The following ATRX variants were observed in gnomAD, a reference collection of about 807,000 sequenced individuals.
ATRX encodes ATRX chromatin remodeler, also known as chromatin remodeler ATRX.
ATRX carries 12 observed loss-of-function variants against 172.6 expected under a neutral mutation model. The ratio of observed to expected loss-of-function variants is 0.07; its 90% CI spans 0.04 to 0.11. The LOEUF (loss-of-function observed/expected upper bound fraction) is 0.11, where lower values mean the gene tolerates loss of function less well. Ranked by LOEUF, ATRX falls within the 10% of genes least tolerant of loss-of-function variation. The pLI is 1.00. For missense variants in ATRX, 1,368 were observed against 1,767.4 expected, an observed-to-expected ratio of 0.77 and a Z score of 4.05; for synonymous variants, 674 against 594.7, an observed-to-expected ratio of 1.13 and a Z score of -1.94.
In ATRX at chrX:77,506,948, C is replaced by T; in HGVS notation, c.*1403G>A. The T allele has an allele frequency of 7.7e-6, 1 of 129,852 alleles. No homozygotes were observed. Among genetic ancestry groups the T allele is most frequent in the Non-Finnish European group, 1.4e-5 (1 of 71,977 alleles). The allele number at this position is 129,852 out of a possible 1,213,427, so 10.7% of individuals were successfully genotyped here. ...TGGAATTCTTAAGCTGTTTCACTACCTGTTGTATCATCATCTCAAAAATGG... is the reference window on the plus strand; with the variant it reads ...TGGAATTCTTAAGCTGTTTCACTACTTGTTGTATCATCATCTCAAAAATGG... On this transcript the variant is annotated 3_prime_UTR_variant, in exon 35 of 35. Coordinates refer to ENST00000373344, the MANE Select transcript of ATRX (RefSeq NM_000489.6).
Position 77,508,018 on chromosome X carries a change from A to G in ATRX, c.*333T>C, listed in dbSNP as rs1312480694. The G allele has an allele frequency of 4.8e-6, 1 of 206,622 alleles. No homozygotes were observed. The highest frequency in any genetic ancestry group is 8.8e-6 in the Non-Finnish European group (1 of 113,252). 17.0% of individuals were successfully genotyped at this position (206,622 alleles called of 1,213,427 possible). Reference sequence around the variant, plus strand: ...CTTTCCTAAATTTATTAATTTTATGACAATTTTATGGTTGCTAAAAGCAGG... The same window carrying G: ...CTTTCCTAAATTTATTAATTTTATGGCAATTTTATGGTTGCTAAAAGCAGG... On this transcript the variant is annotated 3_prime_UTR_variant, in exon 35 of 35. Transcript: ENST00000373344.
chrX:77,653,872 G>A (rs2069406360), intron 14 of ATRX, among the ~76,000 whole-genome samples: 1 of 111,215 alleles, frequency 9.0e-6, no homozygotes, highest in Admixed American at 9.6e-5. Context: ...TAATGAATTA[G>A]AATGGCTTAA....
At chrX:77,774,524 A>C (rs2076280037) in intron 1 of ATRX, among the ~76,000 whole-genome samples, 2 of 110,694 alleles carry the variant, frequency 1.8e-5, no homozygotes. Context: ...AAAAATACAA[A>C]AAATTAGCTG....
rs892968704 is a variant in ATRX at position 77,683,392 on chromosome X, G to C, written c.1864C>G (p.Pro622Ala). 2 of 1,210,524 alleles carry C rather than the reference G, an allele frequency of 1.7e-6. No individual in the cohort carries two copies. The highest frequency in any genetic ancestry group is 3.5e-5 in the African/African-American group (2 of 57,660). The change falls in exon 9 of 35, where the codon CCC becomes GCC. Residue 622 changes from proline to alanine, a missense_variant. Physicochemically the swap from Pro to Ala is conservative, Grantham distance 27 (BLOSUM62 -1). Around this residue, in one of 17 missense-constraint regions of ATRX, gnomAD observed 843 missense variants for 643.1 expected, o/e 1.31. Coordinates refer to ENST00000373344, the MANE Select transcript of ATRX (RefSeq NM_000489.6). ...KDGYKSCGLN[P>A]KLEKCGLGQE... Reference sequence around the variant, plus strand: ...CCAAGTCCACATTTCTCTAACTTGGGGTTCAGACCACAACTTTTATAGCCA... The same window carrying C: ...CCAAGTCCACATTTCTCTAACTTGGCGTTCAGACCACAACTTTTATAGCCA...
rs781926377 is a variant in ATRX, at chrX:77,574,375, A to G, written c.6218-17T>C. ...TCCCCTCACCTGAAAATTTAACAAA[A>G]GAACACAAAAGGAATTTGATATATC... On this transcript the variant is annotated splice_polypyrimidine_tract_variant and intron_variant, in intron 27 of 34. Coordinates refer to ENST00000373344, the MANE Select transcript of ATRX (RefSeq NM_000489.6). 2.7e-6 allele frequency: 3 copies of G among 1,095,449 alleles called. No homozygotes were observed. Among genetic ancestry groups the G allele is most frequent in the East Asian group, 6.0e-5 (2 of 33,316 alleles). The allele number at this position is 1,095,449 out of a possible 1,213,427, so 90.3% of individuals were successfully genotyped here. A position where few individuals can be genotyped will look rare whatever the true frequency, so the allele number is the denominator to read the frequency against.
chrX:77,600,249 G>A (rs2066624865), intron 23 of ATRX, among the ~76,000 whole-genome samples, 185 bp downstream of exon 23: 1 of 111,188 alleles, frequency 9.0e-6, no homozygotes, highest in African/African-American at 3.3e-5. Flanking sequence ...TTTTAAAATG[G>A]GCTCAATAAA....
intron 27 of ATRX, among the ~76,000 whole-genome samples, chrX:77,580,987 T>C (rs900503914): frequency 8.9e-6 from 1 of 112,014 alleles, no homozygotes; most frequent in East Asian, 2.8e-4. Context: ...CAGTGTAAAG[T>C]TGTTATCAGC....
chrX:77,581,435 G>A (rs781783043), intron 27 of ATRX, among the ~76,000 whole-genome samples: 1 of 111,819 alleles, frequency 8.9e-6, no homozygotes, highest in Non-Finnish European at 1.9e-5. Context: ...GGACAAAATA[G>A]ATTTCAAGAT....
chrX:77,626,997 G>A (rs1557103439), intron 19 of ATRX, among the ~76,000 whole-genome samples: 2 of 111,193 alleles, frequency 1.8e-5, no homozygotes, highest in Non-Finnish European at 3.8e-5. Context: ...AGGCCAAGAC[G>A]GGCGGATCAC....
intron 30 of ATRX, among the ~76,000 whole-genome samples, chrX:77,542,172 A>G (rs782109324): frequency 3.6e-5 from 4 of 111,873 alleles, no homozygotes; most frequent in African/African-American, 6.5e-5. Context: ...TACACCAATA[A>G]CAGACAAACA....
Position 77,534,771 on chromosome X carries a change from T to A in ATRX, c.6700-11370A>T, listed in dbSNP as rs781844196. Among the ~76,000 whole-genome samples the A allele has an allele frequency of 7.1e-5, 8 of 112,082 alleles. No individual in the cohort carries two copies. The South Asian group carries it at 2.9e-3, about 41-fold the overall frequency. ...ATAAAACAAAATTAATGATAAATTA[T>A]AAGTTTAAGTTAATTTACTTAGAAG... is the stretch of plus-strand genomic sequence containing the variant. On this transcript the variant is annotated intron_variant, in intron 30 of 34. Transcript: ENST00000373344.
chrX:77,623,868 A>C (rs2067700526), intron 19 of ATRX, among the ~76,000 whole-genome samples: 1 of 111,859 alleles, frequency 8.9e-6, no homozygotes, highest in Admixed American at 9.5e-5. Flanking sequence ...TATGATTAAA[A>C]CCCTCAGCAA....
At chrX:77,671,167 A>AAAATAAAT (rs1424480831) in intron 10 of ATRX, among the ~76,000 whole-genome samples, 1 of 15,735 alleles carries the variant, frequency 6.4e-5, no homozygotes, top group Non-Finnish European at 1.2e-4. Context: ...AAAAAAAAAA[A>AAAATAAAT]ATATATATAT....
At chrX:77,531,412 C>T (rs958250029) in intron 30 of ATRX, among the ~76,000 whole-genome samples, 3 of 111,883 alleles carry the variant, frequency 2.7e-5, no homozygotes, top group African/African-American at 9.8e-5. Flanking sequence ...ACCAGCAGCA[C>T]ATCAAAAAGC....
chrX:77,658,224 T>A (rs2069659992), intron 12 of ATRX, among the ~76,000 whole-genome samples: 1 of 111,787 alleles, frequency 8.9e-6, no homozygotes. Flanking sequence ...AAAAAAGACA[T>A]ACTGACATCA....
At chrX:77,674,426 A>C (rs782108194) in intron 10 of ATRX, 236 of 111,506 alleles carry the variant, frequency 2.1e-3, no homozygotes, top group African/African-American at 7.5e-3. Context: ...GATAAAATTC[A>C]ATTCTTCTCA....
chrX:77,549,940 C>T (rs1042567653), intron 30 of ATRX, among the ~76,000 whole-genome samples: 6 of 109,799 alleles, frequency 5.5e-5, no homozygotes, highest in Admixed American at 9.8e-5. Flanking sequence ...GGCAATAGAA[C>T]GAGACCTTGT....
chrX:77,774,632 G>A (rs986852860), intron 1 of ATRX, among the ~76,000 whole-genome samples: 7 of 108,726 alleles, frequency 6.4e-5, no homozygotes, highest in Non-Finnish European at 1.2e-4. Context: ...AGCCAAGATC[G>A]CGCCACCGCA....
chrX:77,567,193 T>C (rs1412254430), intron 28 of ATRX, among the ~76,000 whole-genome samples: 1 of 110,104 alleles, frequency 9.1e-6, no homozygotes, highest in East Asian at 2.9e-4. Context: ...AAAGAAATCA[T>C]AAACAAAAGA....
Sources: gnomAD v4.1 joint callset for allele counts (sites outside exome capture counted in the v4.1 genomes callset) on GRCh38, gnomAD v4.1.1 for gene constraint, gnomAD v4.1.1 regional missense constraint, MANE v1.5 for transcripts, NCBI Gene and HGNC (gene_info 2026-07-23, HGNC 2026-07-21) for gene names.